Variants in FBN3 observed in about 807,000 individuals in gnomAD.
The protein encoded by FBN3 is fibrillin-3.
A neutral mutation model predicts 330.1 loss-of-function variants in FBN3; 234 were observed. The observed-to-expected ratio is 0.71, with a 90% CI of 0.64 to 0.79. The LOEUF (loss-of-function observed/expected upper bound fraction) is 0.79. FBN3 is among the 30% of genes least tolerant of loss of function. The probability of loss-of-function intolerance (pLI) is 0.00; values close to 1 mark genes in which losing one functional copy is unlikely to be tolerated. For missense variants in FBN3, 3,606 were observed against 3,886.9 expected, an observed-to-expected ratio of 0.93 and a Z score of 1.92; for synonymous variants, 1,458 against 1,517.3, an observed-to-expected ratio of 0.96 and a Z score of 0.91.
rs571964804 is a variant in FBN3 at position 8,089,632 on chromosome 19, T to C, written c.6289A>G (p.Asn2097Asp). Residue 2097 changes from asparagine to aspartate, a missense_variant, in exon 51 of 64, where the codon AAC (asparagine) becomes GAC (aspartate). By Grantham distance (23) the Asn-to-Asp change is conservative (BLOSUM62 1). Transcript: ENST00000600128. ...ECAENPGVCT[N>D]GVCVNTDGSF... ...CCATCGGTGTTGACACAGACGCCGT[T>C]AGTGCAGACGCCAGGGTTCTCTGCA... 4 of 1,614,192 alleles carry C rather than the reference T, an allele frequency of 2.5e-6. No homozygotes were observed. In the East Asian group the frequency reaches 6.7e-5, roughly 27 times the overall value.
intron 24 of FBN3, 52 bp downstream of exon 24, chr19:8,123,412 C>T: frequency 2.5e-6 from 4 of 1,591,656 alleles, no homozygotes; most frequent in Non-Finnish European, 3.4e-6. Flanking sequence ...ATTTGAGGCC[C>T]CTATCCCTGC....
rs34514496 is a variant in FBN3, at chr19:8,085,544, G to A, written c.6906C>T (p.Ala2302=). 7.6e-3 allele frequency: 11,938 copies of A among 1,580,634 alleles called. 684 individuals are homozygous for A. In the African/African-American group the frequency reaches 0.13, roughly 17 times the overall value. The change falls in exon 56 of 64, where the codon GCC becomes GCT. Residue 2302 remains alanine, a synonymous_variant. Transcript: ENST00000600128. The part of the protein sequence containing the change: ...CHDIRQGPCF[A]EVLQTMCRSL... ...ACCGGCACATGGTCTGCAGCACCTCGGCAAAGCAGGGCCCCTGCCGGATGT... is the reference window on the plus strand; with the variant it reads ...ACCGGCACATGGTCTGCAGCACCTCAGCAAAGCAGGGCCCCTGCCGGATGT...
Position 8,147,154 on chromosome 19 carries a change from T to C in FBN3, c.200A>G (p.Tyr67Cys), listed in dbSNP as rs762954897. The change falls in exon 3 of 64, where the codon TAC (tyrosine) becomes TGC (cysteine). Residue 67 changes from tyrosine to cysteine, a missense_variant. Physicochemically the swap from Tyr to Cys is radical, Grantham distance 194. Transcript: ENST00000600128. Reference sequence around the variant, plus strand: ...GAATGTCCTCCAGCCTGGACAGCAGTAGGCATGGAACCGGGAGCCGCACAC... The same window carrying C: ...GAATGTCCTCCAGCCTGGACAGCAGCAGGCATGGAACCGGGAGCCGCACAC... ...PNVCGSRFHAYCCPGWRTFPG... is the reference protein window; with the variant it reads ...PNVCGSRFHACCCPGWRTFPG... 1.3e-6 allele frequency: 2 copies of C among 1,573,482 alleles called. No individual in the cohort carries two copies. Among genetic ancestry groups the C allele is most frequent in the Admixed American group, 3.7e-5 (2 of 53,820 alleles).
At position 8,099,413 on chromosome 19, in the gene FBN3, T is replaced by C. The variant is rs939618580; in HGVS notation, c.5161+1488A>G. 2.0e-5 allele frequency among the ~76,000 whole-genome samples: 3 copies of C among 150,898 alleles called. No homozygotes were observed. The East Asian group carries it at 6.0e-4, about 30-fold the overall frequency. ...CTCCTGCCTCAGCCTCCCGAGTAGCTGGGACTACAGGCGCCCGCCACCACG... is the reference window on the plus strand; with the variant it reads ...CTCCTGCCTCAGCCTCCCGAGTAGCCGGGACTACAGGCGCCCGCCACCACG... On this transcript the variant is annotated intron_variant, in intron 41 of 63. Transcript: ENST00000600128.
Position 8,085,355 on chromosome 19 carries a change from G to A in FBN3, c.7087+8C>T, listed in dbSNP as rs941043579. ...CTCCCTGGGGGTCCTGAGGGCATGG[G>A]CACCCACCTCGGCCCTCAGCAGTGT... On this transcript the variant is annotated splice_region_variant and intron_variant, in intron 56 of 63. Coordinates refer to ENST00000600128, the MANE Select transcript of FBN3 (RefSeq NM_032447.5). The A allele has an allele frequency of 5.8e-6, 9 of 1,562,744 alleles. No individual in the cohort carries two copies. The highest frequency in any genetic ancestry group is 7.8e-6 in the Non-Finnish European group (9 of 1,157,796).
At chr19:8,085,612 T>C in intron 55 of FBN3, 43 bp from the exon 56 acceptor site, 1 of 1,436,342 alleles carries the variant, frequency 7.0e-7, no homozygotes. Flanking sequence ...TCCAGGAGGC[T>C]GGTTTGGGGG....
intron 13 of FBN3, among the ~76,000 whole-genome samples, chr19:8,134,986 A>G (rs545932724): frequency 6.7e-6 from 1 of 148,310 alleles, no homozygotes; most frequent in African/African-American, 2.5e-5. Flanking sequence ...ATATATATAT[A>G]TATATTTTTT....
intron 39 of FBN3, 74 bp downstream of exon 39, chr19:8,103,488 G>T (rs542459182): frequency 5.1e-5 from 76 of 1,494,282 alleles, no homozygotes; most frequent in African/African-American, 6.9e-5. Context: ...AGGCTTGAAG[G>T]CTCCCAGCAG....
chr19:8,090,017 G>T, intron 49 of FBN3, 58 bp from the exon 50 acceptor site: 7 of 1,598,492 alleles, frequency 4.4e-6, no homozygotes, highest in Non-Finnish European at 4.3e-6. Flanking sequence ...CCCCAGGTGT[G>T]TGCAGGGAAG....
chr19:8,095,597 A>G (rs1281523777), intron 45 of FBN3, 94 bp from the exon 46 acceptor site: 1 of 1,393,108 alleles, frequency 7.2e-7, no homozygotes, highest in Non-Finnish European at 9.9e-7. Flanking sequence ...TTGAGCTGAC[A>G]GCATTGGCTT....
intron 56 of FBN3, among the ~76,000 whole-genome samples, chr19:8,083,764 A>AC (rs1458524813): frequency 7.9e-5 from 11 of 139,922 alleles, no homozygotes; most frequent in African/African-American, 2.9e-4. Flanking sequence ...CCCCAGCCAC[A>AC]CCCCCAAAAA....
chr19:8,134,987 TA>T (rs1002637476), intron 13 of FBN3, among the ~76,000 whole-genome samples: 47 of 147,470 alleles, frequency 3.2e-4, no homozygotes, highest in South Asian at 6.4e-4. Context: ...TATATATATA[TA>T]TATTTTTTGA....
In FBN3 at chr19:8,110,865, C is replaced by T. The variant is rs781626312; in HGVS notation, c.4313G>A (p.Arg1438Gln). ...CACACCTGTGCAGTTGCCACCCCCT[C>T]GGTCCAGTTCGTAGCCACCATTGCA... ...CICNGGYELD[R>Q]GGGNCTDINE... is the part of the protein sequence containing the mutation. Residue 1438 changes from arginine (R) to glutamine (Q), a missense_variant, in exon 34 of 64, where the codon CGA (arginine) becomes CAA (glutamine). By Grantham distance (43) the Arg-to-Gln change is conservative. Transcript: ENST00000600128. The T allele has an allele frequency of 9.3e-6, 15 of 1,614,130 alleles. No individual in the cohort carries two copies. Among genetic ancestry groups the T allele is most frequent in the Non-Finnish European group, 1.7e-6 (2 of 1,180,056 alleles).
At position 8,108,235 on chromosome 19, in the gene FBN3, T is replaced by C; in HGVS notation, c.4622A>G (p.Glu1541Gly). The change falls in exon 37 of 64, where the codon GAG becomes GGG. Residue 1541 changes from glutamate (E) to glycine (G), a missense_variant. Glu to Gly is a moderately conservative substitution (Grantham distance 98, BLOSUM62 -2). Coordinates refer to ENST00000600128, the MANE Select transcript of FBN3 (RefSeq NM_032447.5). ...ACCACCCGGGCACAGGGTTCTGTAC[T>C]CAGCTGTAAAGGGAAACAGGCTCCT... ...CELCPMANTT[E>G]YRTLCPGGEG... 6.2e-7 allele frequency: 1 copy of C among 1,608,676 alleles called. No homozygotes were observed. The highest frequency in any genetic ancestry group is 8.5e-7 in the Non-Finnish European group (1 of 1,178,080).
At chr19:8,135,936 G>GGGGGGGGGGGGCGCCCC in intron 13 of FBN3, 25 bp downstream of exon 13, 2 of 668,778 alleles carry the variant, frequency 3.0e-6, no homozygotes. Flanking sequence ...GGAAGCCCCT[G>GGGGGGGGGGGGCGCCCC]CCCACCCGCC....
chr19:8,124,769 C>G (rs1291625516), intron 22 of FBN3, among the ~76,000 whole-genome samples: 1 of 152,174 alleles, frequency 6.6e-6, no homozygotes. Flanking sequence ...CTCCTAACCT[C>G]AAGCAATCCA....
intron 59 of FBN3, among the ~76,000 whole-genome samples, chr19:8,079,692 G>A (rs138018973): frequency 0.011 from 1,748 of 152,270 alleles, 15 homozygotes; most frequent in Non-Finnish European, 0.014. Flanking sequence ...CCAGGTTCAA[G>A]TGATTCTCTT....
intron 30 of FBN3, 55 bp from the exon 31 acceptor site, chr19:8,112,154 T>C (rs1256723710): frequency 1.9e-6 from 3 of 1,579,858 alleles, no homozygotes; most frequent in Admixed American, 3.4e-5. Flanking sequence ...AAAGACTCGA[T>C]GCAATAGCAG....
intron 25 of FBN3, among the ~76,000 whole-genome samples, chr19:8,119,973 AC>A (rs1039901741): frequency 2.0e-5 from 3 of 150,856 alleles, no homozygotes; most frequent in Non-Finnish European, 3.0e-5. Flanking sequence ...GGCAGGCACC[AC>A]CATGCCCGGC....
Sources: allele counts gnomAD v4.1 joint callset (sites outside exome capture counted in the v4.1 genomes callset), GRCh38; gene constraint gnomAD v4.1.1; transcripts MANE v1.5; gene names NCBI Gene and HGNC (gene_info 2026-07-23, HGNC 2026-07-21).